Variants in ZNF462 observed in about 807,000 individuals in gnomAD.
ZNF462 encodes zinc finger PBX1-interacting protein.
In ZNF462, 10 loss-of-function variants were observed where a neutral mutation model predicts 201.9. That is an observed-to-expected ratio of 0.05 (90% CI 0.03 to 0.08). ZNF462 has a LOEUF of 0.08. Among genes scored for constraint, ZNF462 ranks in the 10% least tolerant of loss-of-function variants. ZNF462 has a pLI of 1.00. For synonymous variants in ZNF462, 1,227 were observed against 1,193.3 expected (o/e 1.03, Z -0.58); for missense variants, 2,523 against 3,168.3 (o/e 0.80, Z 4.89).
In ZNF462 at chr9:106,951,132, A is replaced by T. The variant is rs180757951; in HGVS notation, c.6427+12025A>T. ...AGTTCAAGGTTTAAGTAAAATATTGATAAGATTTGCTTTTTCTGTTTTAAA... is the reference window on the plus strand; with the variant it reads ...AGTTCAAGGTTTAAGTAAAATATTGTTAAGATTTGCTTTTTCTGTTTTAAA... On this transcript the variant is annotated intron_variant, in intron 7 of 12. Coordinates refer to ENST00000277225, the MANE Select transcript of ZNF462 (RefSeq NM_021224.6). Among the ~76,000 whole-genome samples, 6 of 152,268 alleles carry T rather than the reference A, an allele frequency of 3.9e-5. No homozygotes were observed. In the East Asian group the frequency reaches 7.7e-4, roughly 20 times the overall value.
At chr9:106,897,753 T>C (rs1205495275) in intron 1 of ZNF462, among the ~76,000 whole-genome samples, 1 of 152,178 alleles carries the variant, frequency 6.6e-6, no homozygotes. Context: ...ATGCCAGATC[T>C]GCTAGACAGT....
intron 1 of ZNF462, among the ~76,000 whole-genome samples, chr9:106,892,290 C>T (rs574400764): frequency 4.6e-5 from 7 of 152,250 alleles, no homozygotes; most frequent in South Asian, 2.1e-4. Flanking sequence ...ATCCATTTAA[C>T]GAAAGTGCAA....
chr9:106,862,153 G>T (rs1827085908), upstream of ZNF462, among the ~76,000 whole-genome samples: 2 of 152,134 alleles, frequency 1.3e-5, no homozygotes, highest in Admixed American at 1.3e-4. This position sits in a 1 kb window ranked among gnomAD's most constrained non-coding sequence, Gnocchi z 4.2. Flanking sequence ...CAAAATACGT[G>T]CCAGTAATGG....
At position 106,974,775 on chromosome 9, in the gene ZNF462, T is replaced by G. The variant is rs1288088002; in HGVS notation, c.6832+502T>G. The G allele has an allele frequency of 5.9e-6, 1 of 169,818 alleles. No individual in the cohort carries two copies. Among genetic ancestry groups the G allele is most frequent in the African/African-American group, 2.4e-5 (1 of 42,058 alleles). 10.5% of individuals were successfully genotyped at this position (169,818 alleles called of 1,614,324 possible). ...TGTATATTATACATTCTAATAATAG[T>G]CTCTATTATATATTCTAATAATAAT... is the stretch of plus-strand genomic sequence containing the variant. On this transcript the variant is annotated intron_variant, in intron 9 of 12. Coordinates refer to ENST00000277225, the MANE Select transcript of ZNF462 (RefSeq NM_021224.6). This position sits in a 1 kb window ranked among gnomAD's most constrained non-coding sequence, Gnocchi z 4.0.
chr9:106,911,698 G>T (rs765628365), intron 1 of ZNF462, among the ~76,000 whole-genome samples: 3 of 152,166 alleles, frequency 2.0e-5, no homozygotes, highest in Non-Finnish European at 2.9e-5. Flanking sequence ...CAAACATAGA[G>T]ATCTCAACAT....
chr9:106,957,026 C>T (rs891943595), intron 7 of ZNF462, among the ~76,000 whole-genome samples: 3 of 152,112 alleles, frequency 2.0e-5, no homozygotes, highest in African/African-American at 7.2e-5. Flanking sequence ...TTTAATTTTC[C>T]TCAAGAACTT....
At chr9:106,921,821 A>G (rs1415174504) in intron 1 of ZNF462, among the ~76,000 whole-genome samples, 1 of 152,188 alleles carries the variant, frequency 6.6e-6, no homozygotes, top group Non-Finnish European at 1.5e-5. Flanking sequence ...TCTTCCACAC[A>G]ATTTGGGTTG....
At chr9:107,002,656 G>A (rs1829281044) in intron 10 of ZNF462, among the ~76,000 whole-genome samples, 1 of 152,090 alleles carries the variant, frequency 6.6e-6, no homozygotes, top group Non-Finnish European at 1.5e-5. Context: ...AGCTTTTAGG[G>A]GTTAGTCATC....
rs148273848 is a variant in ZNF462, at chr9:107,011,032, C to T, written c.*2C>T. The stretch of plus-strand genomic sequence containing the variant: ...AATGCAGAGGCCAAAAAAGAATGAG[C>T]GTTTGGTGAAATTCTTAATCAAACC... On this transcript the variant is annotated 3_prime_UTR_variant, in exon 13 of 13. Coordinates refer to ENST00000277225, the MANE Select transcript of ZNF462 (RefSeq NM_021224.6). This position sits in a 1 kb window ranked among gnomAD's most constrained non-coding sequence, Gnocchi z 5.6. 5.6e-4 allele frequency: 901 copies of T among 1,612,300 alleles called. 5 individuals carry two copies. The East Asian group carries it at 0.012, about 21-fold the overall frequency.
At position 106,938,376 on chromosome 9, in the gene ZNF462, AAT is replaced by A. The variant is rs1830720546; in HGVS notation, c.6236-531_6236-530del. ...GCTGAGGTTTATGAACTGGTCCAAA[AAT>A]ATATATATGTGGGATGAGAATGTGT... On this transcript the variant is annotated intron_variant, in intron 6 of 12. Coordinates refer to ENST00000277225, the MANE Select transcript of ZNF462 (RefSeq NM_021224.6). This position sits in a 1 kb window ranked among gnomAD's most constrained non-coding sequence, Gnocchi z 4.4. Among the ~76,000 whole-genome samples, 1 of 152,172 alleles carries A rather than the reference AAT, an allele frequency of 6.6e-6. No homozygotes were observed. Among genetic ancestry groups the A allele is most frequent in the Admixed American group, 6.5e-5 (1 of 15,274 alleles).
chr9:106,973,494 C>CT (rs1177750365), intron 8 of ZNF462, among the ~76,000 whole-genome samples: 1 of 152,232 alleles, frequency 6.6e-6, no homozygotes, highest in Non-Finnish European at 1.5e-5. Context: ...CAGGCAGACA[C>CT]TTTCTCCAGA....
At position 107,011,219 on chromosome 9, in the gene ZNF462, G is replaced by A; in HGVS notation, c.*189G>A. The A allele has an allele frequency of 1.7e-6, 1 of 572,688 alleles. No individual in the cohort carries two copies. Among genetic ancestry groups the A allele is most frequent in the Non-Finnish European group, 3.1e-6 (1 of 322,648 alleles). 35.5% of individuals were successfully genotyped at this position (572,688 alleles called of 1,614,324 possible). A position where few individuals can be genotyped will look rare whatever the true frequency, so the allele number is the denominator to read the frequency against. ...TATGTAAATTAAAGTTATTTAAATGGTTGGAATATGTGGCTCCTTTTCCAT... is the reference window on the plus strand; with the variant it reads ...TATGTAAATTAAAGTTATTTAAATGATTGGAATATGTGGCTCCTTTTCCAT... On this transcript the variant is annotated 3_prime_UTR_variant, in exon 13 of 13. Coordinates refer to ENST00000277225, the MANE Select transcript of ZNF462 (RefSeq NM_021224.6). This position sits in a 1 kb window ranked among gnomAD's most constrained non-coding sequence, Gnocchi z 5.6.
At chr9:106,999,189 A>G (rs1828978580) in intron 10 of ZNF462, among the ~76,000 whole-genome samples, 1 of 152,164 alleles carries the variant, frequency 6.6e-6, no homozygotes, top group Non-Finnish European at 1.5e-5. Context: ...TGGGGAAATG[A>G]TAATAAACTG....
At chr9:106,901,808 A>G (rs112126040) in intron 1 of ZNF462, among the ~76,000 whole-genome samples, 1 of 152,014 alleles carries the variant, frequency 6.6e-6, no homozygotes, top group African/African-American at 2.4e-5. Flanking sequence ...GTTCTAGGAG[A>G]TTTCTGGAGG....
intron 7 of ZNF462, among the ~76,000 whole-genome samples, chr9:106,944,966 G>A (rs1831040374): frequency 6.6e-6 from 1 of 152,098 alleles, no homozygotes; most frequent in Non-Finnish European, 1.5e-5. Context: ...CAAACGACAT[G>A]GCTGTGTTCC....
chr9:106,930,557 C>G lies in ZNF462; in HGVS notation c.5880C>G (p.Ile1960Met), dbSNP rs375147640. Residue 1960 changes from isoleucine to methionine, a missense_variant, in exon 4 of 13, where the codon ATC (isoleucine) becomes ATG (methionine). Ile to Met is a conservative substitution (Grantham distance 10). Around this residue, in one of 15 missense-constraint regions of ZNF462, gnomAD observed 107 missense variants for 187.7 expected, o/e 0.57. Transcript: ENST00000277225. This position sits in a 1 kb window ranked among gnomAD's most constrained non-coding sequence, Gnocchi z 5.8. The stretch of plus-strand genomic sequence containing the variant: ...GTCACTTAGAAGAGGTGCCAAAGAT[C>G]AAGGAGAGGAAAGTGGTGGGCTACA... Reference protein sequence around the residue: ...PFGHLEEVPKIKERKVVGYKC... With the variant: ...PFGHLEEVPKMKERKVVGYKC... 10 of 1,614,068 alleles carry G rather than the reference C, an allele frequency of 6.2e-6. No individual in the cohort carries two copies. Among genetic ancestry groups the G allele is most frequent in the Non-Finnish European group, 8.5e-6 (10 of 1,180,020 alleles).
chr9:106,942,695 C>G (rs547638793), intron 7 of ZNF462, among the ~76,000 whole-genome samples: 54 of 152,252 alleles, frequency 3.5e-4, no homozygotes, highest in Admixed American at 5.2e-4. Context: ...GCTTTCAGTA[C>G]AGAAAAATAC....
At position 106,972,976 on chromosome 9, in the gene ZNF462, G is replaced by C. The variant is rs1336215902; in HGVS notation, c.6695+704G>C. 6.6e-6 allele frequency among the ~76,000 whole-genome samples: 1 copy of C among 151,968 alleles called. No homozygotes were observed. Among genetic ancestry groups the C allele is most frequent in the African/African-American group, 2.4e-5 (1 of 41,342 alleles). On this transcript the variant is annotated intron_variant, in intron 8 of 12. Coordinates refer to ENST00000277225, the MANE Select transcript of ZNF462 (RefSeq NM_021224.6). This position sits in a 1 kb window ranked among gnomAD's most constrained non-coding sequence, Gnocchi z 4.8. ...GTAGAGTGTGGAGCCTGACTACCTG[G>C]GTGATTCTGGACAAGTCACTAAGAC...
At chr9:106,900,964 G>A (rs185941084) in intron 1 of ZNF462, among the ~76,000 whole-genome samples, 2 of 152,060 alleles carry the variant, frequency 1.3e-5, no homozygotes, top group Non-Finnish European at 2.9e-5. Flanking sequence ...CTTTGCATAA[G>A]CCAATGTCTA....
Sources: allele counts gnomAD v4.1 joint callset (sites outside exome capture counted in the v4.1 genomes callset), GRCh38; gene constraint gnomAD v4.1.1; regional missense constraint gnomAD v4.1.1; non-coding constraint Gnocchi (gnomAD v3.1); transcripts MANE v1.5; gene names NCBI Gene and HGNC (gene_info 2026-07-23, HGNC 2026-07-21).